Variants in EXTL3 observed in about 807,000 individuals in gnomAD.
EXTL3 encodes the protein exostosin-like 3.
In EXTL3, 27 loss-of-function variants were observed where a neutral mutation model predicts 69.3. That is an observed-to-expected ratio of 0.39 (90% CI 0.29 to 0.54). The LOEUF (loss-of-function observed/expected upper bound fraction) is 0.54. EXTL3 is among the 20% of genes least tolerant of loss of function. The pLI is 0.69. For missense variants in EXTL3, 1,003 were observed against 1,231.8 expected (o/e 0.81, Z 2.78); for synonymous variants, 511 against 499.4 (o/e 1.02, Z -0.31).
intron 1 of EXTL3, among the ~76,000 whole-genome samples, chr8:28,646,573 T>C (rs1806834867): frequency 6.6e-6 from 1 of 152,262 alleles, no homozygotes; most frequent in African/African-American, 2.4e-5. Flanking sequence ...AAATGGTCCA[T>C]CTTGGCCAGC....
intron 1 of EXTL3, among the ~76,000 whole-genome samples, chr8:28,670,163 T>C (rs1807262489): frequency 8.2e-6 from 1 of 121,486 alleles, no homozygotes; most frequent in South Asian, 2.8e-4. Flanking sequence ...GAGCTGAGAT[T>C]GCACCACTGC....
intron 3 of EXTL3, 126 bp from the exon 4 acceptor site, chr8:28,731,097 A>G: frequency 9.1e-7 from 1 of 1,101,072 alleles, no homozygotes; most frequent in African/African-American, 1.5e-5. Context: ...TAGATTTTAC[A>G]AGCGCGGAGA....
intron 6 of EXTL3, among the ~76,000 whole-genome samples, chr8:28,744,388 T>G (rs60361418): frequency 0.012 from 1,815 of 152,336 alleles, 38 homozygotes; most frequent in African/African-American, 0.041. Flanking sequence ...CTGGGTGCGG[T>G]GGCTCATGCC....
chr8:28,672,383 A>C (rs543360374), intron 1 of EXTL3, among the ~76,000 whole-genome samples: 3 of 118,788 alleles, frequency 2.5e-5, no homozygotes, highest in East Asian at 2.9e-4. Flanking sequence ...GTGCCACTGC[A>C]CTCCAGTCTG....
chr8:28,700,697 A>T (rs1198106070), upstream of EXTL3: 1 of 152,104 alleles, frequency 6.6e-6, no homozygotes, highest in Non-Finnish European at 1.5e-5. Context: ...GACAAATTTG[A>T]TCGTAGCTCA....
chr8:28,641,054 C>T (rs1806734111), intron 1 of EXTL3, among the ~76,000 whole-genome samples: 1 of 152,110 alleles, frequency 6.6e-6, no homozygotes, highest in South Asian at 2.1e-4. Flanking sequence ...AAATCACTCC[C>T]AGGTCTGTAG....
chr8:28,749,651 AT>A (rs1374471740), intron 6 of EXTL3, among the ~76,000 whole-genome samples: 1 of 151,940 alleles, frequency 6.6e-6, no homozygotes, highest in Non-Finnish European at 1.5e-5. Context: ...TCATTCATTC[AT>A]TCATTCATTC....
rs1404962270 is a variant in EXTL3, at chr8:28,752,211, T to C, written c.*1345T>C. ...TTTCCACTCCCTGCTTAGGATTCTG[T>C]TCCCTGGGCTGAAACTGAAATAAGC... On this transcript the variant is annotated 3_prime_UTR_variant, in exon 7 of 7. Coordinates refer to ENST00000220562, the MANE Select transcript of EXTL3 (RefSeq NM_001440.4). 6.6e-6 allele frequency: 1 copy of C among 152,220 alleles called. No homozygotes were observed. The highest frequency in any genetic ancestry group is 1.5e-5 in the Non-Finnish European group (1 of 68,038). 9.4% of individuals were successfully genotyped at this position (152,220 alleles called of 1,614,324 possible).
Position 28,713,473 on chromosome 8 carries a change from G to A in EXTL3, c.-553G>A, listed in dbSNP as rs112991583. The A allele has an allele frequency of 9.5e-4, 665 of 698,500 alleles. 6 individuals carry two copies. In the African/African-American group the frequency reaches 0.011, roughly 11 times the overall value. 43.3% of individuals were successfully genotyped at this position (698,500 alleles called of 1,614,324 possible). On this transcript the variant is annotated 5_prime_UTR_variant, in exon 2 of 7. Coordinates refer to ENST00000220562, the MANE Select transcript of EXTL3 (RefSeq NM_001440.4). Reference sequence around the variant, plus strand: ...TTAAATCAGGAGAGCAAGCCCTGGAGGTTCACTCTTTCAAGAAGTCGTGTG... The same window carrying A: ...TTAAATCAGGAGAGCAAGCCCTGGAAGTTCACTCTTTCAAGAAGTCGTGTG...
chr8:28,665,793 CT>C (rs1807187972), intron 1 of EXTL3, among the ~76,000 whole-genome samples: 1 of 152,098 alleles, frequency 6.6e-6, no homozygotes, highest in Admixed American at 6.6e-5. Flanking sequence ...ACCAAGTACG[CT>C]TTTTTATTCT....
At chr8:28,637,584 G>A (rs1025303631) in intron 1 of EXTL3, among the ~76,000 whole-genome samples, 1 of 151,902 alleles carries the variant, frequency 6.6e-6, no homozygotes, top group African/African-American at 2.4e-5. Context: ...GATCACTTGA[G>A]CCCAGGAGTT....
Position 28,750,530 on chromosome 8 carries a change from C to T in EXTL3, c.2551-127C>T. On this transcript the variant is annotated intron_variant, in intron 6 of 6. Transcript: ENST00000220562. The surrounding 1 kb of genome is among the most constrained non-coding windows in gnomAD (Gnocchi z 5.2). ...GGGCTCTGGTTCCTGCCATGCTCTG[C>T]AGGGATGTTGCCCCTGAGGGGATCA... 1.3e-6 allele frequency: 1 copy of T among 783,340 alleles called. No individual in the cohort carries two copies. The highest frequency in any genetic ancestry group is 2.2e-6 in the Non-Finnish European group (1 of 455,274). 48.5% of individuals were successfully genotyped at this position (783,340 alleles called of 1,614,324 possible). A position where few individuals can be genotyped will look rare whatever the true frequency, so the allele number is the denominator to read the frequency against.
upstream of EXTL3, among the ~76,000 whole-genome samples, chr8:28,618,694 A>G (rs1370689535): frequency 1.3e-5 from 2 of 152,152 alleles, no homozygotes; most frequent in African/African-American, 4.8e-5. Flanking sequence ...GAAAGCAGTG[A>G]GAGAACCCCG....
chr8:28,666,859 G>A (rs896748372), intron 1 of EXTL3, among the ~76,000 whole-genome samples: 14 of 152,180 alleles, frequency 9.2e-5, no homozygotes, highest in African/African-American at 3.1e-4. Context: ...ACAGGCATGA[G>A]CCACCACGCC....
intron 1 of EXTL3, among the ~76,000 whole-genome samples, chr8:28,637,054 C>T (rs1479926228): frequency 1.3e-5 from 2 of 152,028 alleles, no homozygotes; most frequent in Non-Finnish European, 2.9e-5. Flanking sequence ...AGGAAGGAAA[C>T]ATAGTGTTAT....
Position 28,716,068 on chromosome 8 carries a change from C to T in EXTL3, c.9C>T (p.Gly3=), listed in dbSNP as rs371302609. 226 of 1,606,900 alleles carry T rather than the reference C, an allele frequency of 1.4e-4. No homozygotes were observed. The highest frequency in any genetic ancestry group is 1.8e-4 in the Non-Finnish European group (215 of 1,179,682). ...CAGGCTGCAGAGGACTCATGACAGG[C>T]TATACCATGCTGCGGAATGGGGGCG... MT[G]YTMLRNGGAG... is the part of the protein sequence containing the mutation. Residue 3 remains glycine (G), a synonymous_variant, in exon 3 of 7, where the codon GGC becomes GGT. Coordinates refer to ENST00000220562, the MANE Select transcript of EXTL3 (RefSeq NM_001440.4). This position sits in a 1 kb window ranked among gnomAD's most constrained non-coding sequence, Gnocchi z 7.1.
chr8:28,751,107 A>C lies in EXTL3; in HGVS notation c.*241A>C. The C allele has an allele frequency of 1.8e-6, 1 of 552,062 alleles. No individual in the cohort carries two copies. Among genetic ancestry groups the C allele is most frequent in the Non-Finnish European group, 3.3e-6 (1 of 306,014 alleles). 34.2% of individuals were successfully genotyped at this position (552,062 alleles called of 1,614,324 possible). A position where few individuals can be genotyped will look rare whatever the true frequency, so the allele number is the denominator to read the frequency against. On this transcript the variant is annotated 3_prime_UTR_variant, in exon 7 of 7. Transcript: ENST00000220562. The stretch of plus-strand genomic sequence containing the variant: ...CACAGGGCACTGACTGATAGCTTAC[A>C]CTGAGGACTGTGGCGACTCTGCAGA...
chr8:28,608,593 T>A (rs12549962), intron 2 of EXTL3, among the ~76,000 whole-genome samples: 36,223 of 151,990 alleles, frequency 0.24, 4,585 homozygotes, highest in Non-Finnish European at 0.28. Context: ...CCAGGCACAG[T>A]GGCTCACACC....
chr8:28,632,145 G>T (rs1300960028), intron 1 of EXTL3, among the ~76,000 whole-genome samples: 1 of 151,752 alleles, frequency 6.6e-6, no homozygotes, highest in Non-Finnish European at 1.5e-5. Flanking sequence ...GGTGGCTCAC[G>T]CCTGTAATCC....
Sources: gnomAD v4.1 joint callset for allele counts (sites outside exome capture counted in the v4.1 genomes callset) on GRCh38, gnomAD v4.1.1 for gene constraint, Gnocchi (gnomAD v3.1) non-coding constraint, MANE v1.5 for transcripts, NCBI Gene and HGNC (gene_info 2026-07-23, HGNC 2026-07-21) for gene names.